The following MTCH2 variants were observed in gnomAD, a reference collection of about 807,000 sequenced individuals.
The protein encoded by MTCH2 is mitochondrial carrier homolog 2.
A neutral mutation model predicts 50.6 loss-of-function variants in MTCH2; 25 were observed. That is an observed-to-expected ratio of 0.49 (90% CI 0.36 to 0.69). The LOEUF (loss-of-function observed/expected upper bound fraction) is 0.69. MTCH2 is among the 30% of genes least tolerant of loss of function. The pLI is 0.00. For missense variants in MTCH2, 273 were observed against 384.4 expected, an observed-to-expected ratio of 0.71 and a Z score of 2.42; for synonymous variants, 106 against 132.0, an observed-to-expected ratio of 0.80 and a Z score of 1.35.
At chr11:47,624,202 A>AG (rs2097295915) in intron 11 of MTCH2, among the ~76,000 whole-genome samples, 2 of 150,852 alleles carry the variant, frequency 1.3e-5, no homozygotes, top group Admixed American at 6.6e-5. Context: ...ACTGCACTAT[A>AG]GCCTGGGCAA....
the MTCH2 span, among the ~76,000 whole-genome samples, chr11:47,611,754 G>A: frequency 1.3e-5 from 2 of 152,260 alleles, no homozygotes; most frequent in African/African-American, 4.8e-5. Context: ...ACCGTATTGT[G>A]GTATGGTACT....
chr11:47,636,288 G>T (rs1274264336), intron 3 of MTCH2, among the ~76,000 whole-genome samples: 2 of 152,084 alleles, frequency 1.3e-5, no homozygotes, highest in African/African-American at 4.8e-5. Context: ...ACAAAAATTA[G>T]CTGGGCTTGG....
At position 47,618,623 on chromosome 11, in the gene MTCH2, C is replaced by T; in HGVS notation, c.*210G>A. On this transcript the variant is annotated 3_prime_UTR_variant, in exon 13 of 13. Coordinates refer to ENST00000302503, the MANE Select transcript of MTCH2 (RefSeq NM_014342.4). ...AAATAAGAATTTGGAGCAAAAATAT[C>T]CTAATTCAGAATAACTAAAGGGGGA... is the stretch of plus-strand genomic sequence containing the variant. 3 of 552,882 alleles carry T rather than the reference C, an allele frequency of 5.4e-6. No homozygotes were observed. The highest frequency in any genetic ancestry group is 2.2e-5 in the South Asian group (1 of 45,146). The allele number at this position is 552,882 out of a possible 1,614,324, so 34.2% of individuals were successfully genotyped here.
chr11:47,611,259 T>A, the MTCH2 span, among the ~76,000 whole-genome samples: 1 of 152,194 alleles, frequency 6.6e-6, no homozygotes, highest in African/African-American at 2.4e-5. Flanking sequence ...TGTGAGCCCC[T>A]CAGGGGGAGG....
chr11:47,640,143 A>G (rs2153801207), intron 1 of MTCH2, among the ~76,000 whole-genome samples: 1 of 152,160 alleles, frequency 6.6e-6, no homozygotes, highest in African/African-American at 2.4e-5. Context: ...AGCCTGGCCA[A>G]CATGGTGAAA....
At chr11:47,620,104 A>C (rs963416962) in intron 12 of MTCH2, among the ~76,000 whole-genome samples, 8 of 151,614 alleles carry the variant, frequency 5.3e-5, no homozygotes, top group South Asian at 2.1e-4. Context: ...ACAAAACAAA[A>C]AAACAAACAA....
the MTCH2 span, among the ~76,000 whole-genome samples, chr11:47,605,142 A>G: frequency 6.6e-6 from 1 of 152,174 alleles, no homozygotes; most frequent in Non-Finnish European, 1.5e-5. Flanking sequence ...CGGGTTAGCC[A>G]GGATGGTCTA....
the MTCH2 span, among the ~76,000 whole-genome samples, chr11:47,604,737 A>G: frequency 2.6e-5 from 4 of 152,214 alleles, no homozygotes. Context: ...TTGTATACTG[A>G]TGAAATAATC....
the MTCH2 span, among the ~76,000 whole-genome samples, chr11:47,609,140 A>AAAAAAAAG: frequency 2.0e-4 from 19 of 93,332 alleles, no homozygotes; most frequent in African/African-American, 4.5e-5. Flanking sequence ...AAAAAAAAAA[A>AAAAAAAAG]AAAAAAGAAA....
At chr11:47,638,826 T>TGTTGTCAA (rs1565977151) in intron 2 of MTCH2, 21 bp from the exon 3 acceptor site, 2 of 1,526,284 alleles carry the variant, frequency 1.3e-6, no homozygotes, top group South Asian at 2.3e-5. Context: ...AAGTCAGAGA[T>TGTTGTCAA]GTTGTCAAGT....
chr11:47,637,364 G>A (rs528035914), intron 3 of MTCH2, among the ~76,000 whole-genome samples: 9 of 152,256 alleles, frequency 5.9e-5, no homozygotes, highest in Non-Finnish European at 1.0e-4. Context: ...CATGGAAAAC[G>A]CATGACCAAT....
At chr11:47,641,910 A>T (rs1289841084) in intron 1 of MTCH2, among the ~76,000 whole-genome samples, 2 of 152,204 alleles carry the variant, frequency 1.3e-5, no homozygotes, top group Non-Finnish European at 2.9e-5. Context: ...AAAAAGAAAA[A>T]AAAAAGGAAT....
intron 5 of MTCH2, among the ~76,000 whole-genome samples, chr11:47,633,771 A>C (rs2097305930): frequency 6.8e-6 from 1 of 147,558 alleles, no homozygotes; most frequent in Non-Finnish European, 1.5e-5. Flanking sequence ...TCCCAACCTC[A>C]GGTGATCCGC....
At chr11:47,615,530 G>A (rs1268300035), downstream of MTCH2, among the ~76,000 whole-genome samples, 1 of 152,054 alleles carries the variant, frequency 6.6e-6, no homozygotes, top group Non-Finnish European at 1.5e-5. Flanking sequence ...AAGAGGGGGA[G>A]GACATTTCTA....
chr11:47,619,681 C>T (rs146436705), intron 12 of MTCH2, among the ~76,000 whole-genome samples: 4 of 152,112 alleles, frequency 2.6e-5, no homozygotes, highest in East Asian at 1.9e-4. Flanking sequence ...TGGTTCACAC[C>T]GGTAATCCTA....
intron 3 of MTCH2, 74 bp downstream of exon 3, chr11:47,638,625 C>G: frequency 3.2e-6 from 3 of 947,826 alleles, no homozygotes; most frequent in Non-Finnish European, 4.5e-6. Flanking sequence ...TTAAATTGCT[C>G]TTGATATTTA....
At chr11:47,630,488 C>T (rs1475485984) in intron 8 of MTCH2, 67 bp downstream of exon 8, 1 of 1,314,266 alleles carries the variant, frequency 7.6e-7, no homozygotes, top group African/African-American at 1.5e-5. Context: ...CAAAGACTCA[C>T]TATTCTTACT....
At chr11:47,606,499 G>C in the MTCH2 span, among the ~76,000 whole-genome samples, 9 of 152,130 alleles carry the variant, frequency 5.9e-5, no homozygotes, top group Non-Finnish European at 1.0e-4. Flanking sequence ...TCTCTACAGA[G>C]CCACACTGGT....
At chr11:47,619,872 T>A (rs933770626) in intron 12 of MTCH2, among the ~76,000 whole-genome samples, 2 of 151,778 alleles carry the variant, frequency 1.3e-5, no homozygotes, top group African/African-American at 4.8e-5. Flanking sequence ...AGGTCAGGAG[T>A]TCGAGACCAG....
Sources: allele counts gnomAD v4.1 joint callset (sites outside exome capture counted in the v4.1 genomes callset), GRCh38; gene constraint gnomAD v4.1.1; transcripts MANE v1.5; gene names NCBI Gene and HGNC (gene_info 2026-07-23, HGNC 2026-07-21).